Variants in ASIC2 observed in about 807,000 individuals in gnomAD.
The protein encoded by ASIC2 is acid-sensing ion channel 2.
In ASIC2, 25 loss-of-function variants were observed where a neutral mutation model predicts 57.3. The observed-to-expected ratio is 0.44, with a 90% CI of 0.32 to 0.61. ASIC2 has a LOEUF of 0.61. Ranked by LOEUF, ASIC2 falls within the 20% of genes least tolerant of loss-of-function variation. The pLI is 0.06. For missense variants in ASIC2, 641 were observed against 738.1 expected (o/e 0.87, Z 1.52); for synonymous variants, 319 against 307.5 (o/e 1.04, Z -0.39).
intron 1 of ASIC2, among the ~76,000 whole-genome samples, chr17:34,126,534 C>T (rs1254642872): frequency 6.6e-6 from 1 of 152,186 alleles, no homozygotes; most frequent in Non-Finnish European, 1.5e-5. Context: ...AGGGAGAACA[C>T]TGAGAGATGT....
At chr17:33,607,671 A>G (rs570843074) in intron 1 of ASIC2, among the ~76,000 whole-genome samples, 4 of 152,126 alleles carry the variant, frequency 2.6e-5, no homozygotes, top group African/African-American at 9.6e-5. Flanking sequence ...CTGCCTTGTG[A>G]CTCTCCATCA....
chr17:34,136,929 T>C (rs951137928), intron 1 of ASIC2, among the ~76,000 whole-genome samples: 3 of 152,202 alleles, frequency 2.0e-5, no homozygotes, highest in Non-Finnish European at 2.9e-5. Context: ...CCCACCTGTC[T>C]TGTAACTTCA....
chr17:33,461,915 C>T (rs763963221), intron 1 of ASIC2, among the ~76,000 whole-genome samples: 11 of 152,204 alleles, frequency 7.2e-5, no homozygotes, highest in Non-Finnish European at 1.0e-4. Context: ...TTGATCCATC[C>T]GCCTAGCCAT....
chr17:34,099,569 G>T (rs1477588869), intron 1 of ASIC2, among the ~76,000 whole-genome samples: 1 of 138,992 alleles, frequency 7.2e-6, no homozygotes, highest in Non-Finnish European at 1.5e-5. Context: ...AAGAGAGGGA[G>T]GGAGGAAAGA....
intron 1 of ASIC2, among the ~76,000 whole-genome samples, chr17:33,893,864 TA>T (rs1915022971): frequency 6.6e-6 from 1 of 152,222 alleles, no homozygotes. Context: ...ATTTCCATCC[TA>T]CCCTCATAAA....
At chr17:33,327,917 A>C (rs747909571) in intron 1 of ASIC2, among the ~76,000 whole-genome samples, 5 of 152,204 alleles carry the variant, frequency 3.3e-5, no homozygotes, top group Non-Finnish European at 7.3e-5. Flanking sequence ...CATATAGGGA[A>C]GAAGGCCACA....
intron 1 of ASIC2, among the ~76,000 whole-genome samples, chr17:34,086,274 T>A (rs1212778320): frequency 6.6e-6 from 1 of 152,100 alleles, no homozygotes; most frequent in Non-Finnish European, 1.5e-5. Flanking sequence ...ACATCTTTAT[T>A]TCTGCCTTCA....
At chr17:34,061,578 C>T (rs527776956) in intron 1 of ASIC2, among the ~76,000 whole-genome samples, 3 of 152,222 alleles carry the variant, frequency 2.0e-5, no homozygotes, top group East Asian at 3.9e-4. Flanking sequence ...AGATACAGAA[C>T]CACAGAATGG....
At chr17:33,743,804 C>T (rs536156616) in intron 1 of ASIC2, among the ~76,000 whole-genome samples, 8 of 152,322 alleles carry the variant, frequency 5.3e-5, no homozygotes, top group African/African-American at 1.9e-4. Flanking sequence ...GAATTGCCAG[C>T]CTCCATACTC....
At chr17:33,526,639 T>G (rs183757985) in intron 1 of ASIC2, among the ~76,000 whole-genome samples, 1,947 of 152,280 alleles carry the variant, frequency 0.013, no homozygotes, top group African/African-American at 0.045. Flanking sequence ...AGGTTGCCTT[T>G]GCTGCCCTCA....
At chr17:33,404,061 T>G (rs1377518689) in intron 1 of ASIC2, among the ~76,000 whole-genome samples, 2 of 152,144 alleles carry the variant, frequency 1.3e-5, no homozygotes, top group Non-Finnish European at 2.9e-5. Flanking sequence ...CCATAAAACA[T>G]AGAGAGATAT....
At chr17:33,228,746 A>C (rs1385916072) in intron 1 of ASIC2, among the ~76,000 whole-genome samples, 1 of 152,232 alleles carries the variant, frequency 6.6e-6, no homozygotes, top group Non-Finnish European at 1.5e-5. Context: ...ATCTACATGC[A>C]CTTCCACTAT....
chr17:33,482,129 T>C (rs1361186216), intron 1 of ASIC2, among the ~76,000 whole-genome samples: 2 of 152,240 alleles, frequency 1.3e-5, no homozygotes, highest in East Asian at 1.9e-4. Flanking sequence ...CTGATGCAAA[T>C]TGGATCATGT....
chr17:34,090,009 C>G (rs1277621290), intron 1 of ASIC2, among the ~76,000 whole-genome samples: 1 of 152,182 alleles, frequency 6.6e-6, no homozygotes, highest in Non-Finnish European at 1.5e-5. Context: ...ACCGGAGCCT[C>G]ATCACATCAC....
chr17:33,241,382 T>C (rs1200196347), intron 1 of ASIC2, among the ~76,000 whole-genome samples: 1 of 152,196 alleles, frequency 6.6e-6, no homozygotes, highest in Non-Finnish European at 1.5e-5. Context: ...ATTCATGCAA[T>C]ATTCAGCTTT....
intron 9 of ASIC2, 127 bp from the exon 10 acceptor site, chr17:33,014,193 T>C (rs886727226): frequency 1.4e-6 from 1 of 728,374 alleles, no homozygotes; most frequent in African/African-American, 1.7e-5. Flanking sequence ...GCTCCAGACA[T>C]CTGATAGGCT....
At chr17:33,915,956 A>G (rs1007142179) in intron 1 of ASIC2, among the ~76,000 whole-genome samples, 6 of 152,202 alleles carry the variant, frequency 3.9e-5, no homozygotes, top group African/African-American at 1.4e-4. Context: ...TGAGGAAAGC[A>G]AAGCTGAAAT....
At chr17:33,320,018 T>C (rs1357627430) in intron 1 of ASIC2, among the ~76,000 whole-genome samples, 3 of 152,032 alleles carry the variant, frequency 2.0e-5, no homozygotes, top group Non-Finnish European at 2.9e-5. Context: ...AGGAAGTAAT[T>C]CATGTGCAAC....
At chr17:33,580,788 G>A (rs557607792) in intron 1 of ASIC2, among the ~76,000 whole-genome samples, 1 of 152,268 alleles carries the variant, frequency 6.6e-6, no homozygotes, top group African/African-American at 2.4e-5. Context: ...ACCTCCCCAA[G>A]ATATGAAAAA....
Sources: allele counts gnomAD v4.1 joint callset (sites outside exome capture counted in the v4.1 genomes callset), GRCh38; gene constraint gnomAD v4.1.1; transcripts MANE v1.5; gene names NCBI Gene and HGNC (gene_info 2026-07-23, HGNC 2026-07-21).